MTA3: variants seen among roughly 807,000 people sequenced by gnomAD.
The protein encoded by MTA3 is metastasis-associated protein MTA3.
A neutral mutation model predicts 83.5 loss-of-function variants in MTA3; 34 were observed. The observed-to-expected ratio is 0.41, with a 90% CI of 0.31 to 0.54. MTA3 has a LOEUF of 0.54. MTA3 is among the 20% of genes least tolerant of loss of function. The probability of loss-of-function intolerance (pLI) is 0.33; values close to 1 mark genes in which losing one functional copy is unlikely to be tolerated. For missense variants in MTA3, 761 were observed against 726.4 expected (o/e 1.05, Z -0.55); for synonymous variants, 303 against 252.7 (o/e 1.20, Z -1.89).
At chr2:42,623,414 A>G (rs866172393) in intron 4 of MTA3, among the ~76,000 whole-genome samples, 36 of 152,200 alleles carry the variant, frequency 2.4e-4, no homozygotes, top group African/African-American at 8.7e-4. Context: ...CTCCCTGGAC[A>G]TAAGTTCCCT....
At chr2:42,572,661 CCGAGATGGT>C (rs763574713) in intron 2 of MTA3, among the ~76,000 whole-genome samples, 1 of 152,076 alleles carries the variant, frequency 6.6e-6, no homozygotes, top group Non-Finnish European at 1.5e-5. Context: ...TAAGATTTGT[CCGAGATGGT>C]CGTTTATTAG....
intron 8 of MTA3, among the ~76,000 whole-genome samples, chr2:42,669,719 G>T (rs1268439294): frequency 6.6e-6 from 1 of 152,122 alleles, no homozygotes; most frequent in Non-Finnish European, 1.5e-5. Flanking sequence ...TTGTTTGTGT[G>T]TTTTATGGTC....
intron 16 of MTA3, among the ~76,000 whole-genome samples, chr2:42,751,589 C>G (rs1441981336): frequency 6.6e-6 from 1 of 152,176 alleles, no homozygotes; most frequent in South Asian, 2.1e-4. Flanking sequence ...GGTGGCCTGT[C>G]TCAATTGAAA....
At chr2:42,678,639 A>AT (rs1691597836) in intron 8 of MTA3, among the ~76,000 whole-genome samples, 1 of 152,118 alleles carries the variant, frequency 6.6e-6, no homozygotes, top group Admixed American at 6.6e-5. Context: ...CCAATGATTG[A>AT]TTTTAAGTGA....
intron 4 of MTA3, among the ~76,000 whole-genome samples, chr2:42,613,276 C>T (rs185836595): frequency 1.5e-4 from 23 of 152,168 alleles, no homozygotes; most frequent in African/African-American, 3.9e-4. Flanking sequence ...GTGAGTTTAC[C>T]GGGTGGTAAT....
chr2:42,544,147 T>C (rs949240408), intron 2 of MTA3, among the ~76,000 whole-genome samples: 4 of 152,050 alleles, frequency 2.6e-5, no homozygotes, highest in Non-Finnish European at 4.4e-5. Context: ...AGTATATGCT[T>C]CTAAGATAGT....
intron 2 of MTA3, among the ~76,000 whole-genome samples, chr2:42,540,799 C>T (rs1328154593): frequency 1.3e-5 from 2 of 150,208 alleles, no homozygotes; most frequent in Non-Finnish European, 3.0e-5. Flanking sequence ...CGTGCTATTG[C>T]ACTCCAGCCT....
At chr2:42,726,970 C>G (rs957304035) in intron 16 of MTA3, among the ~76,000 whole-genome samples, 1 of 152,204 alleles carries the variant, frequency 6.6e-6, no homozygotes, top group African/African-American at 2.4e-5. Context: ...AAGCGGGAGG[C>G]TCACTTGAGC....
rs188465562 is a variant in MTA3, at chr2:42,647,598, C to A, written c.499+3354C>A. Among the ~76,000 whole-genome samples the A allele has an allele frequency of 2.7e-5, 4 of 146,542 alleles. No individual in the cohort carries two copies. The Admixed American group carries it at 2.8e-4, about 10-fold the overall frequency. On this transcript the variant is annotated intron_variant, in intron 6 of 16. Coordinates refer to ENST00000405094, the MANE Select transcript of MTA3 (RefSeq NM_001330442.2). Reference sequence around the variant, plus strand: ...TTAACCAGAAACAAGGAATGCCTTTCCTTTCTTCAAGGCTACTTCTGGGTA... The same window carrying A: ...TTAACCAGAAACAAGGAATGCCTTTACTTTCTTCAAGGCTACTTCTGGGTA...
intron 11 of MTA3, among the ~76,000 whole-genome samples, chr2:42,701,586 G>C (rs1435390825): frequency 6.6e-6 from 1 of 151,836 alleles, no homozygotes; most frequent in Non-Finnish European, 1.5e-5. Flanking sequence ...GACAGAGTGA[G>C]ACCCTCTCTC....
intron 4 of MTA3, among the ~76,000 whole-genome samples, chr2:42,623,767 G>A (rs1685808115): frequency 6.7e-6 from 1 of 148,508 alleles, no homozygotes; most frequent in Admixed American, 6.8e-5. Flanking sequence ...CTCTGCTCAC[G>A]GCAAACTCCG....
At chr2:42,614,288 G>T (rs1375267462) in intron 4 of MTA3, 2 of 151,872 alleles carry the variant, frequency 1.3e-5, no homozygotes, top group Non-Finnish European at 2.9e-5. Context: ...GTACAGACGG[G>T]GTTTCTCCAT....
At chr2:42,688,160 TC>T (rs1366306453) in intron 9 of MTA3, among the ~76,000 whole-genome samples, 1 of 152,174 alleles carries the variant, frequency 6.6e-6, no homozygotes, top group African/African-American at 2.4e-5. Context: ...AGCCTCAAAC[TC>T]CTGGGCCCAG....
intron 4 of MTA3, among the ~76,000 whole-genome samples, chr2:42,620,466 A>C (rs1046701573): frequency 6.6e-6 from 1 of 151,640 alleles, no homozygotes; most frequent in East Asian, 1.9e-4. Context: ...ACCTAAACCC[A>C]CTTCTGTTGC....
At chr2:42,600,216 CA>C (rs1341923441) in intron 3 of MTA3, among the ~76,000 whole-genome samples, 1 of 151,748 alleles carries the variant, frequency 6.6e-6, no homozygotes, top group African/African-American at 2.4e-5. Context: ...CAAAACAAAA[CA>C]AAAAAACTTG....
At chr2:42,671,110 T>A (rs1330352545) in intron 8 of MTA3, among the ~76,000 whole-genome samples, 1 of 152,130 alleles carries the variant, frequency 6.6e-6, no homozygotes, top group Non-Finnish European at 1.5e-5. Flanking sequence ...GACCATGGTA[T>A]TTTGAAGAGT....
chr2:42,721,309 GTTCTT>G (rs1161614057), intron 15 of MTA3, among the ~76,000 whole-genome samples: 2 of 150,258 alleles, frequency 1.3e-5, no homozygotes, highest in African/African-American at 4.9e-5. Flanking sequence ...AGGAAGGACT[GTTCTT>G]TTTCTTTTTC....
chr2:42,597,562 T>A (rs1681960326), intron 3 of MTA3, among the ~76,000 whole-genome samples: 1 of 151,228 alleles, frequency 6.6e-6, no homozygotes, highest in Admixed American at 6.6e-5. Context: ...ATTTTTGTAT[T>A]TTTAGTAGAG....
At chr2:42,577,166 A>C (rs1446429451) in intron 2 of MTA3, among the ~76,000 whole-genome samples, 1 of 145,556 alleles carries the variant, frequency 6.9e-6, no homozygotes, top group African/African-American at 2.5e-5. Context: ...TAATGCACTT[A>C]GTCTCAAACC....
Sources: allele counts gnomAD v4.1 joint callset (sites outside exome capture counted in the v4.1 genomes callset), GRCh38; gene constraint gnomAD v4.1.1; transcripts MANE v1.5; gene names NCBI Gene and HGNC (gene_info 2026-07-23, HGNC 2026-07-21).